DOCK7: variants seen among roughly 807,000 people sequenced by gnomAD.
DOCK7 encodes the protein dedicator of cytokinesis 7, also known as dedicator of cytokinesis protein 7.
DOCK7 carries 138 observed loss-of-function variants against 271.0 expected under a neutral mutation model. The observed-to-expected ratio is 0.51, with a 90% CI of 0.44 to 0.59. The LOEUF (loss-of-function observed/expected upper bound fraction) is 0.59. Among genes scored for constraint, DOCK7 ranks in the 20% least tolerant of loss-of-function variants. The pLI is 0.00. For synonymous variants in DOCK7, 823 were observed against 876.1 expected (o/e 0.94, Z 1.07); for missense variants, 2,066 against 2,592.4 (o/e 0.80, Z 4.41).
At chr1:62,517,180 A>G (rs988312588) in intron 31 of DOCK7, among the ~76,000 whole-genome samples, 1 of 152,180 alleles carries the variant, frequency 6.6e-6, no homozygotes, top group Non-Finnish European at 1.5e-5. Flanking sequence ...CACTTACTAC[A>G]CACACTCACC....
chr1:62,670,198 C>T (rs977009598), intron 1 of DOCK7, among the ~76,000 whole-genome samples: 2 of 152,218 alleles, frequency 1.3e-5, no homozygotes, highest in South Asian at 2.1e-4. Context: ...CTTTGCGGCC[C>T]GAGCCTCCCC....
intron 24 of DOCK7, chr1:62,543,387 T>C: frequency 3.9e-6 from 1 of 255,882 alleles, no homozygotes; most frequent in African/African-American, 2.2e-5. Flanking sequence ...TACATTTTTT[T>C]GGTACTAAAA....
chr1:62,498,650 A>AC (rs1553156576), intron 37 of DOCK7, among the ~76,000 whole-genome samples: 1 of 151,388 alleles, frequency 6.6e-6, no homozygotes, highest in African/African-American at 2.4e-5. Flanking sequence ...AAAAAAAAAA[A>AC]CAAAAAACTG....
intron 1 of DOCK7, among the ~76,000 whole-genome samples, chr1:62,685,674 A>G (rs992570126): frequency 6.6e-6 from 1 of 152,148 alleles, no homozygotes; most frequent in Non-Finnish European, 1.5e-5. Context: ...TGAGCCCCTC[A>G]AAATTAACAT....
intron 1 of DOCK7, among the ~76,000 whole-genome samples, chr1:62,675,568 G>A (rs1041032896): frequency 6.6e-6 from 1 of 152,136 alleles, no homozygotes; most frequent in Non-Finnish European, 1.5e-5. Flanking sequence ...GGATCATGAG[G>A]TCAGGAGATC....
In DOCK7 at chr1:62,604,565, G is replaced by A. The variant is rs576720480; in HGVS notation, c.1682+14141C>T. ...TTATAAGAAAGGAAGATAAACTTAC[G>A]GGGAAATACAGTAACAGTAACTACA... On this transcript the variant is annotated intron_variant, in intron 14 of 49. Coordinates refer to ENST00000635253, the MANE Select transcript of DOCK7 (RefSeq NM_001367561.1). 48 of 1,478,806 alleles carry A rather than the reference G, an allele frequency of 3.2e-5. No homozygotes were observed. In the South Asian group the frequency reaches 4.5e-4, roughly 14 times the overall value. 91.6% of individuals were successfully genotyped at this position (1,478,806 alleles called of 1,614,324 possible).
intron 7 of DOCK7, among the ~76,000 whole-genome samples, chr1:62,640,516 G>A (rs936229733): frequency 2.6e-5 from 4 of 151,758 alleles, no homozygotes; most frequent in African/African-American, 4.8e-5. Context: ...GCAAGACCCC[G>A]TCTCAAAAAA....
At chr1:62,464,748 T>C (rs773857096) in intron 48 of DOCK7, among the ~76,000 whole-genome samples, 1 of 152,016 alleles carries the variant, frequency 6.6e-6, no homozygotes, top group Non-Finnish European at 1.5e-5. Context: ...GCAAGGTGTA[T>C]TGAGACTAAT....
At position 62,586,481 on chromosome 1, in the gene DOCK7, T is replaced by C. The variant is rs1005960374; in HGVS notation, c.1800+26A>G. 4.0e-6 allele frequency: 6 copies of C among 1,517,178 alleles called. No homozygotes were observed. In the Admixed American group the frequency reaches 1.0e-4, roughly 25 times the overall value. 94.0% of individuals were successfully genotyped at this position (1,517,178 alleles called of 1,614,324 possible). A position where few individuals can be genotyped will look rare whatever the true frequency, so the allele number is the denominator to read the frequency against. On this transcript the variant is annotated intron_variant, in intron 15 of 49. Coordinates refer to ENST00000635253, the MANE Select transcript of DOCK7 (RefSeq NM_001367561.1). ...TCTATTTGAACTTAATACAAAAAATTAGAAAAGTAAAAGAACATTTCTTAC... is the reference window on the plus strand; with the variant it reads ...TCTATTTGAACTTAATACAAAAAATCAGAAAAGTAAAAGAACATTTCTTAC...
chr1:62,545,751 C>T (rs974475491), intron 22 of DOCK7, among the ~76,000 whole-genome samples: 8 of 151,980 alleles, frequency 5.3e-5, no homozygotes, highest in African/African-American at 1.4e-4. Flanking sequence ...TTCTTTAAAA[C>T]GCTACTAAAG....
chr1:62,603,418 GA>G (rs1650451390), intron 14 of DOCK7, among the ~76,000 whole-genome samples: 1 of 151,536 alleles, frequency 6.6e-6, no homozygotes, highest in African/African-American at 2.4e-5. Flanking sequence ...TAAAATTACA[GA>G]AAAAAGTTAT....
chr1:62,644,438 A>C (rs1392963238), intron 7 of DOCK7, among the ~76,000 whole-genome samples: 1 of 152,232 alleles, frequency 6.6e-6, no homozygotes, highest in Non-Finnish European at 1.5e-5. Context: ...GAGCATTTCC[A>C]TCCTCCTTGC....
chr1:62,477,338 A>C (rs549771810), intron 44 of DOCK7, among the ~76,000 whole-genome samples: 16 of 152,240 alleles, frequency 1.1e-4, no homozygotes, highest in Non-Finnish European at 2.1e-4. Context: ...TTGGGTCAGA[A>C]ATTTCTTAGG....
At chr1:62,561,483 A>T in intron 19 of DOCK7, 134 bp downstream of exon 19, 1 of 420,498 alleles carries the variant, frequency 2.4e-6, no homozygotes. Flanking sequence ...GTATGTTTTT[A>T]ACTGACATAT....
In DOCK7 at chr1:62,545,159, A is replaced by T. The variant is rs114368431; in HGVS notation, c.2767-120T>A. The T allele has an allele frequency of 0.019, 15,862 of 856,090 alleles. 250 individuals carry two copies. Among genetic ancestry groups the T allele is most frequent in the South Asian group, 0.064 (3,031 of 47,364 alleles). The allele number at this position is 856,090 out of a possible 1,614,324, so 53.0% of individuals were successfully genotyped here. ...AACATGTTTTTAATTAGTACTGTTA[A>T]AGCAACCAAAATTTGTAGGCACCTA... On this transcript the variant is annotated intron_variant, in intron 22 of 49. Transcript: ENST00000635253.
In DOCK7 at chr1:62,455,230, A is replaced by G. The variant is rs1645312690; in HGVS notation, c.*184T>C. ...AAAGATAACAGCTTGTTACCAGAAC[A>G]TTAGAAACCATAGCCATGATTCTCA... On this transcript the variant is annotated 3_prime_UTR_variant, in exon 50 of 50. Transcript: ENST00000635253. 1 of 718,900 alleles carries G rather than the reference A, an allele frequency of 1.4e-6. No homozygotes were observed. Among genetic ancestry groups the G allele is most frequent in the Non-Finnish European group, 2.5e-6 (1 of 407,104 alleles). 44.5% of individuals were successfully genotyped at this position (718,900 alleles called of 1,614,324 possible).
At chr1:62,522,856 A>G (rs1644892911) in intron 31 of DOCK7, among the ~76,000 whole-genome samples, 1 of 152,070 alleles carries the variant, frequency 6.6e-6, no homozygotes, top group African/African-American at 2.4e-5. Flanking sequence ...TTTTTTGATA[A>G]TGAGTATTTT....
intron 16 of DOCK7, among the ~76,000 whole-genome samples, chr1:62,582,343 G>A (rs936093202): frequency 6.6e-6 from 1 of 151,470 alleles, no homozygotes; most frequent in African/African-American, 2.4e-5. Flanking sequence ...GAGGTCAGGA[G>A]ATCGAGACCA....
At chr1:62,627,510 C>T (rs1654096798) in intron 11 of DOCK7, 1 of 152,010 alleles carries the variant, frequency 6.6e-6, no homozygotes, top group South Asian at 2.1e-4. Context: ...CGAACAATAA[C>T]AATTCGAATT....
Sources: allele counts gnomAD v4.1 joint callset (sites outside exome capture counted in the v4.1 genomes callset), GRCh38; gene constraint gnomAD v4.1.1; transcripts MANE v1.5; gene names NCBI Gene and HGNC (gene_info 2026-07-23, HGNC 2026-07-21).